The following ANKS1B variants were observed in gnomAD, a reference collection of about 807,000 sequenced individuals.
The protein encoded by ANKS1B is ankyrin repeat and sterile alpha motif domain-containing protein 1B.
Under a neutral mutation model 148.3 loss-of-function variants are expected in ANKS1B, and 36 were observed. The ratio of observed to expected loss-of-function variants is 0.24; its 90% confidence interval spans 0.19 to 0.32. The LOEUF (loss-of-function observed/expected upper bound fraction) is 0.32. Among genes scored for constraint, ANKS1B ranks in the 10% least tolerant of loss-of-function variants. ANKS1B has a pLI of 1.00. For missense variants in ANKS1B, 1,157 were observed against 1,542.6 expected (o/e 0.75, Z 4.19); for synonymous variants, 542 against 560.8 (o/e 0.97, Z 0.47).
chr12:98,942,149 G>T (rs570418681), intron 17 of ANKS1B, among the ~76,000 whole-genome samples: 10 of 150,760 alleles, frequency 6.6e-5, no homozygotes, highest in African/African-American at 2.4e-4. Context: ...GCTGAGACAG[G>T]AGAATCACTT....
intron 17 of ANKS1B, among the ~76,000 whole-genome samples, chr12:98,975,762 G>A (rs1483604591): frequency 1.3e-5 from 2 of 152,120 alleles, no homozygotes; most frequent in Non-Finnish European, 2.9e-5. Context: ...TTCAGACTGA[G>A]ATAAGAGTGA....
Position 99,660,987 on chromosome 12 carries a change from C to T in ANKS1B, c.1129-5777G>A, listed in dbSNP as rs564855034. Among the ~76,000 whole-genome samples the T allele has an allele frequency of 2.6e-5, 4 of 152,134 alleles. No individual in the cohort carries two copies. In the South Asian group the frequency reaches 8.3e-4, roughly 32 times the overall value. ...AGCTGATAGAGCCAGTGCCCTTATA[C>T]GAAGGCTGGAATGTAACGAAAGCCC... is the stretch of plus-strand genomic sequence containing the variant. On this transcript the variant is annotated intron_variant, in intron 8 of 26. Coordinates refer to ENST00000683438, the MANE Select transcript of ANKS1B (RefSeq NM_001352186.2).
At chr12:98,997,711 C>T (rs1249624439) in intron 17 of ANKS1B, among the ~76,000 whole-genome samples, 2 of 152,098 alleles carry the variant, frequency 1.3e-5, no homozygotes, top group African/African-American at 4.8e-5. Flanking sequence ...AATTTTTAAA[C>T]ATTTAACTGG....
chr12:99,259,906 G>C (rs2153980973), intron 12 of ANKS1B, among the ~76,000 whole-genome samples: 1 of 152,348 alleles, frequency 6.6e-6, no homozygotes, highest in Admixed American at 6.5e-5. Flanking sequence ...TGTGCTAGGA[G>C]TATTTCCCAT....
Position 99,812,242 on chromosome 12 carries a change from A to G in ANKS1B, c.285T>C (p.Pro95=), listed in dbSNP as rs1266419609. Reference sequence around the variant, plus strand: ...CTCCTTTCCAGGCAGCCAGGTGAATAGGAAAATACCCTTTGTTGTCTGCTA... The same window carrying G: ...CTCCTTTCCAGGCAGCCAGGTGAATGGGAAAATACCCTTTGTTGTCTGCTA... ...TNVADNKGYF[P]IHLAAWKGDV... is the part of the protein sequence containing the mutation. Residue 95 remains proline, a synonymous_variant, in exon 3 of 27, where the codon CCT becomes CCC. Coordinates refer to ENST00000683438, the MANE Select transcript of ANKS1B (RefSeq NM_001352186.2). 6.8e-6 allele frequency: 11 copies of G among 1,612,038 alleles called. No individual in the cohort carries two copies. Among genetic ancestry groups the G allele is most frequent in the Middle Eastern group, 3.3e-4 (2 of 6,074 alleles).
intron 17 of ANKS1B, among the ~76,000 whole-genome samples, chr12:98,919,921 A>G (rs576202626): frequency 2.0e-4 from 31 of 152,326 alleles, no homozygotes; most frequent in African/African-American, 7.2e-4. Context: ...TTTCCATTTC[A>G]GCAACTTCAG....
chr12:99,421,609 G>A (rs1041815379), intron 11 of ANKS1B, among the ~76,000 whole-genome samples: 4 of 152,108 alleles, frequency 2.6e-5, no homozygotes, highest in Non-Finnish European at 5.9e-5. Context: ...AGGTTAAAGA[G>A]CCCCTGTGGT....
chr12:99,647,632 G>C (rs916934403), intron 9 of ANKS1B: 6 of 156,424 alleles, frequency 3.8e-5, no homozygotes, highest in African/African-American at 1.4e-4. Flanking sequence ...GGGTGGGGTG[G>C]AGAGGGCGGT....
intron 8 of ANKS1B, among the ~76,000 whole-genome samples, chr12:99,660,070 T>C (rs1405352734): frequency 3.3e-5 from 5 of 152,258 alleles, no homozygotes; most frequent in East Asian, 3.8e-4. Context: ...GACTACTTTA[T>C]AGCATTGCCA....
chr12:99,633,685 C>G lies in ANKS1B; in HGVS notation c.1272+21382G>C, dbSNP rs186467676. ...TCTGCACAGCAAAAGAAACTACCAT[C>G]AGAGTGAACAGGCAACCTAAAGAAT... On this transcript the variant is annotated intron_variant, in intron 9 of 26. Transcript: ENST00000683438. Among the ~76,000 whole-genome samples the G allele has an allele frequency of 1.6e-3, 244 of 152,304 alleles. 1 individual carries two copies. The highest frequency in any genetic ancestry group is 5.8e-3 in the African/African-American group (242 of 41,564).
In ANKS1B at chr12:99,874,328, T is replaced by C. The variant is rs970194783; in HGVS notation, c.135-48939A>G. ...ATCACTGCTTATATTGAGTTTACCA[T>C]AATAAAATCCCCAAAAACTTCCCAC... On this transcript the variant is annotated intron_variant, in intron 1 of 26. Coordinates refer to ENST00000683438, the MANE Select transcript of ANKS1B (RefSeq NM_001352186.2). Among the ~76,000 whole-genome samples the C allele has an allele frequency of 1.1e-4, 17 of 152,122 alleles. 1 individual carries two copies. The highest frequency in any genetic ancestry group is 1.1e-3 in the Admixed American group (17 of 15,266).
intron 8 of ANKS1B, among the ~76,000 whole-genome samples, chr12:99,723,511 G>C (rs1450729273): frequency 6.6e-6 from 1 of 152,150 alleles, no homozygotes; most frequent in Non-Finnish European, 1.5e-5. Context: ...GGAGCCACTA[G>C]GGGTAGGGGT....
chr12:98,853,901 C>T (rs1373569029), intron 17 of ANKS1B, among the ~76,000 whole-genome samples: 1 of 152,132 alleles, frequency 6.6e-6, no homozygotes, highest in Non-Finnish European at 1.5e-5. Flanking sequence ...GGTGGGACAA[C>T]CGACAGGAAA....
chr12:99,278,511 A>G (rs529812604), intron 12 of ANKS1B, among the ~76,000 whole-genome samples: 5 of 152,322 alleles, frequency 3.3e-5, no homozygotes, highest in African/African-American at 4.8e-5. Context: ...TTCCCCAAAT[A>G]TATTTTGTTT....
intron 1 of ANKS1B, among the ~76,000 whole-genome samples, chr12:99,842,665 G>C (rs2085938902): frequency 6.6e-6 from 1 of 151,938 alleles, no homozygotes; most frequent in Non-Finnish European, 1.5e-5. Context: ...CTGTTCCCCG[G>C]CTATGAATTT....
intron 1 of ANKS1B, among the ~76,000 whole-genome samples, chr12:99,828,667 G>A (rs1442156530): frequency 2.6e-5 from 4 of 151,962 alleles, no homozygotes; most frequent in Admixed American, 6.6e-5. Flanking sequence ...TAAGAACAAT[G>A]AAATAAAAAA....
intron 5 of ANKS1B, among the ~76,000 whole-genome samples, chr12:99,781,272 A>G (rs1820986407): frequency 6.6e-6 from 1 of 152,156 alleles, no homozygotes; most frequent in African/African-American, 2.4e-5. Context: ...ATTGTGTACA[A>G]ATACAATCAC....
intron 10 of ANKS1B, among the ~76,000 whole-genome samples, chr12:99,479,720 T>C (rs180898468): frequency 6.6e-4 from 100 of 151,938 alleles, no homozygotes; most frequent in African/African-American, 2.4e-3. Flanking sequence ...TACCAGACGT[T>C]GGAGAGGTGG....
intron 14 of ANKS1B, among the ~76,000 whole-genome samples, chr12:99,216,767 C>G (rs933183847): frequency 6.6e-6 from 1 of 152,208 alleles, no homozygotes; most frequent in East Asian, 1.9e-4. Flanking sequence ...GATTTCATAA[C>G]TGAATTTTCA....
Sources: gnomAD v4.1 joint callset for allele counts (sites outside exome capture counted in the v4.1 genomes callset) on GRCh38, gnomAD v4.1.1 for gene constraint, MANE v1.5 for transcripts, NCBI Gene and HGNC (gene_info 2026-07-23, HGNC 2026-07-21) for gene names.